The following ACTR2 variants were observed in gnomAD, a reference collection of about 807,000 sequenced individuals.
The protein encoded by ACTR2 is actin-related protein 2.
A neutral mutation model predicts 50.2 loss-of-function variants in ACTR2; 5 were observed. The ratio of observed to expected loss-of-function variants is 0.10; its 90% CI spans 0.05 to 0.21. The LOEUF (loss-of-function observed/expected upper bound fraction) is 0.21. Ranked by LOEUF, ACTR2 falls within the 10% of genes least tolerant of loss-of-function variation. The pLI, the probability that ACTR2 is intolerant of heterozygous loss-of-function variation, is 1.00. For synonymous variants in ACTR2, 140 were observed against 162.9 expected, an observed-to-expected ratio of 0.86 and a Z score of 1.07; for missense variants, 180 against 480.6, an observed-to-expected ratio of 0.37 and a Z score of 5.85.
At chr2:65,249,006 C>T (rs562084075) in intron 3 of ACTR2, among the ~76,000 whole-genome samples, 1 of 150,508 alleles carries the variant, frequency 6.6e-6, no homozygotes, top group South Asian at 2.1e-4. Context: ...GAGCGAGACT[C>T]TGTCTCAAAA....
chr2:65,242,010 A>G, intron 2 of ACTR2: 1 of 1,604,184 alleles, frequency 6.2e-7, no homozygotes, highest in Non-Finnish European at 8.5e-7. Flanking sequence ...TCTTACTTCT[A>G]CCTTCTCTCT....
chr2:65,255,507 A>G, intron 5 of ACTR2, 38 bp from the exon 6 acceptor site: 1 of 1,579,162 alleles, frequency 6.3e-7, no homozygotes, highest in Non-Finnish European at 8.6e-7. Context: ...GAACTCATTC[A>G]GATGTATTAT....
intron 2 of ACTR2, chr2:65,242,634 A>T (rs374497007): frequency 1.4e-5 from 7 of 510,914 alleles, no homozygotes; most frequent in South Asian, 8.6e-5. Flanking sequence ...TTATCTGAGG[A>T]TAAATAAGAA....
At chr2:65,238,692 C>T (rs924113709) in intron 1 of ACTR2, among the ~76,000 whole-genome samples, 2 of 145,812 alleles carry the variant, frequency 1.4e-5, no homozygotes, top group Non-Finnish European at 1.5e-5. Context: ...GCTAGCCAGG[C>T]GCGGTGACTC....
In ACTR2 at chr2:65,263,265, G is replaced by GTT. The variant is rs368135966; in HGVS notation, c.882-1766_882-1765dup. On this transcript the variant is annotated intron_variant, in intron 7 of 8. Coordinates refer to ENST00000260641, the MANE Select transcript of ACTR2 (RefSeq NM_005722.4). ...CTTTTTGTAGATTTTGGAGTTTTGG[G>GTT]TTTTTTTTTTTTTCAGTTTTGAAAA... Among the ~76,000 whole-genome samples the GTT allele has an allele frequency of 5.6e-3, 748 of 133,300 alleles. 2 individuals are homozygous for GTT. Among genetic ancestry groups the GTT allele is most frequent in the African/African-American group, 0.016 (592 of 35,942 alleles). The allele number at this position is 133,300 out of a possible 152,430, so 87.4% of individuals were successfully genotyped here.
At chr2:65,266,155 A>G (rs1187690613) in intron 8 of ACTR2, among the ~76,000 whole-genome samples, 1 of 152,232 alleles carries the variant, frequency 6.6e-6, no homozygotes, top group African/African-American at 2.4e-5. Flanking sequence ...CAAAACAATG[A>G]AAACAGAATC....
chr2:65,245,435 G>T (rs1452454076), intron 2 of ACTR2, among the ~76,000 whole-genome samples: 4 of 152,088 alleles, frequency 2.6e-5, no homozygotes, highest in Non-Finnish European at 5.9e-5. Context: ...CAGGAGAATC[G>T]CTTGAACCTG....
intron 2 of ACTR2, among the ~76,000 whole-genome samples, chr2:65,244,891 A>G (rs1350400934): frequency 6.6e-6 from 1 of 151,324 alleles, no homozygotes; most frequent in Admixed American, 6.6e-5. Context: ...GTGGTAAGCA[A>G]TAATGGCACC....
chr2:65,262,608 G>A (rs268864), intron 7 of ACTR2, among the ~76,000 whole-genome samples: 129,869 of 151,896 alleles, frequency 0.85, 55,664 homozygotes, highest in African/African-American at 0.9. Flanking sequence ...CTTTTCCACC[G>A]ATCTGATGAG....
intron 8 of ACTR2, among the ~76,000 whole-genome samples, chr2:65,267,516 C>T (rs538873850): frequency 3.3e-5 from 5 of 152,050 alleles, no homozygotes; most frequent in African/African-American, 7.2e-5. Context: ...TTTTGCAGAT[C>T]GTGATACTGT....
chr2:65,261,910 T>A (rs1672276968), intron 7 of ACTR2, among the ~76,000 whole-genome samples: 2 of 152,080 alleles, frequency 1.3e-5, no homozygotes, highest in African/African-American at 4.8e-5. Context: ...TTACCTTTCC[T>A]CTTTTTGATA....
intron 6 of ACTR2, among the ~76,000 whole-genome samples, chr2:65,258,568 G>A (rs1386641976): frequency 1.3e-5 from 2 of 151,964 alleles, no homozygotes; most frequent in African/African-American, 4.8e-5. Flanking sequence ...CAGCCTGGGT[G>A]AAGGAGCGAG....
intron 7 of ACTR2, among the ~76,000 whole-genome samples, chr2:65,264,240 G>A (rs1171858591): frequency 6.6e-6 from 1 of 152,152 alleles, no homozygotes; most frequent in Admixed American, 6.5e-5. Context: ...CTTATCACAT[G>A]AATCTGTATT....
intron 1 of ACTR2, chr2:65,228,419 G>C (rs905267110): frequency 2.8e-5 from 4 of 142,518 alleles, no homozygotes; most frequent in African/African-American, 1.2e-4. Flanking sequence ...CAGGAAGCGG[G>C]TTTACTTAAA....
chr2:65,268,750 C>T lies in ACTR2; in HGVS notation c.*16C>T, dbSNP rs1558631263. Reference sequence around the variant, plus strand: ...TGTTCGATAAACTCCAAAGCTTGTTCCCGTCATACCCGTAATGCTTTCTTT... The same window carrying T: ...TGTTCGATAAACTCCAAAGCTTGTTTCCGTCATACCCGTAATGCTTTCTTT... On this transcript the variant is annotated 3_prime_UTR_variant, in exon 9 of 9. Coordinates refer to ENST00000260641, the MANE Select transcript of ACTR2 (RefSeq NM_005722.4). The T allele has an allele frequency of 1.2e-6, 2 of 1,607,854 alleles. No homozygotes were observed. The highest frequency in any genetic ancestry group is 1.7e-4 in the Middle Eastern group (1 of 6,010).
chr2:65,238,018 C>T (rs1035963829), intron 1 of ACTR2, among the ~76,000 whole-genome samples: 3 of 151,144 alleles, frequency 2.0e-5, no homozygotes, highest in African/African-American at 7.3e-5. Context: ...AAAATAAAAA[C>T]TTATTCGGGC....
At chr2:65,232,115 A>C (rs1370506336) in intron 1 of ACTR2, among the ~76,000 whole-genome samples, 1 of 152,226 alleles carries the variant, frequency 6.6e-6, no homozygotes, top group African/African-American at 2.4e-5. Flanking sequence ...TCTGAAATCA[A>C]GCCACTTAAA....
chr2:65,245,087 C>T (rs901026912), intron 2 of ACTR2, among the ~76,000 whole-genome samples: 1 of 151,680 alleles, frequency 6.6e-6, no homozygotes. Flanking sequence ...CTTTGTTATA[C>T]TTTTTGATGC....
chr2:65,260,182 G>A (rs1672240564), intron 6 of ACTR2, among the ~76,000 whole-genome samples: 1 of 152,222 alleles, frequency 6.6e-6, no homozygotes, highest in African/African-American at 2.4e-5. Flanking sequence ...TAGTTTCACA[G>A]AGTAATTATT....
Sources: allele counts gnomAD v4.1 joint callset (sites outside exome capture counted in the v4.1 genomes callset), GRCh38; gene constraint gnomAD v4.1.1; transcripts MANE v1.5; gene names NCBI Gene and HGNC (gene_info 2026-07-23, HGNC 2026-07-21).